The following PCDH11X variants were observed in gnomAD, a reference collection of about 807,000 sequenced individuals.
PCDH11X encodes protocadherin 11 X-linked.
In PCDH11X, 18 loss-of-function variants were observed where a neutral mutation model predicts 53.3. The ratio of observed to expected loss-of-function variants is 0.34; its 90% CI spans 0.23 to 0.50. PCDH11X has a LOEUF of 0.50. Among genes scored for constraint, PCDH11X ranks in the 20% least tolerant of loss-of-function variants. The probability of loss-of-function intolerance (pLI) is 0.98; values close to 1 mark genes in which losing one functional copy is unlikely to be tolerated. For synonymous variants in PCDH11X, 279 were observed against 393.3 expected (o/e 0.71, Z 3.44); for missense variants, 570 against 1,032.4 (o/e 0.55, Z 6.14).
chrX:92,483,251 A>G (rs1465619474), intron 10 of PCDH11X, among the ~76,000 whole-genome samples: 1 of 109,923 alleles, frequency 9.1e-6, no homozygotes, highest in Non-Finnish European at 1.9e-5. Context: ...ACACAGAGAC[A>G]TTGGTTACAA....
At chrX:92,156,248 C>A (rs1296306143) in intron 6 of PCDH11X, among the ~76,000 whole-genome samples, 2 of 109,990 alleles carry the variant, frequency 1.8e-5, no homozygotes, top group African/African-American at 3.3e-5. Flanking sequence ...ATCCGCCCCC[C>A]CATTCCTTGT....
chrX:92,179,828 A>G (rs1386669353), intron 6 of PCDH11X, among the ~76,000 whole-genome samples: 4 of 111,603 alleles, frequency 3.6e-5, no homozygotes, highest in Non-Finnish European at 7.5e-5. Flanking sequence ...CTACCACTCT[A>G]CTGAAGCAGC....
At chrX:92,279,537 C>T (rs1479427710) in intron 8 of PCDH11X, among the ~76,000 whole-genome samples, 1 of 112,315 alleles carries the variant, frequency 8.9e-6, no homozygotes, top group African/African-American at 3.2e-5. Flanking sequence ...GAATTGTTTG[C>T]TGCATAACTC....
At chrX:91,833,603 G>A (rs4023977) in intron 4 of PCDH11X, among the ~76,000 whole-genome samples, 1,282 of 111,418 alleles carry the variant, frequency 0.012, 20 homozygotes, top group African/African-American at 0.037. Flanking sequence ...TGAATTCATA[G>A]TATATATTTT....
rs35828888 is a variant in PCDH11X at position 92,127,518 on chromosome X, C to CTTT, written c.3034-73839_3034-73837dup. 7.4e-4 allele frequency among the ~76,000 whole-genome samples: 65 copies of CTTT among 88,397 alleles called. 3 individuals are homozygous for CTTT. Among genetic ancestry groups the CTTT allele is most frequent in the Admixed American group, 1.7e-3 (12 of 7,229 alleles). 76.8% of individuals were successfully genotyped at this position (88,397 alleles called of 115,157 possible). ...AGCCACATAGTTATCTTTCCCCCCA[C>CTTT]TTTTTTTTTTTTTTTTTTTTGAGAC... On this transcript the variant is annotated intron_variant, in intron 6 of 10. Coordinates refer to ENST00000682573, the MANE Select transcript of PCDH11X (RefSeq NM_032968.5).
chrX:91,917,707 G>A lies in PCDH11X; in HGVS notation c.3033+38434G>A, dbSNP rs752625364. 5.5e-3 allele frequency among the ~76,000 whole-genome samples: 562 copies of A among 102,806 alleles called. 4 individuals are homozygous for A. Among genetic ancestry groups the A allele is most frequent in the African/African-American group, 0.018 (520 of 28,472 alleles). The allele number at this position is 102,806 out of a possible 115,157, so 89.3% of individuals were successfully genotyped here. The stretch of plus-strand genomic sequence containing the variant: ...ACAAATAGAAACACATCCCATGCTC[G>A]TGGATGGGTAGAATCAATATTGTGA... On this transcript the variant is annotated intron_variant, in intron 6 of 10. Transcript: ENST00000682573.
At chrX:92,298,613 G>T in intron 8 of PCDH11X, among the ~76,000 whole-genome samples, 1 of 110,909 alleles carries the variant, frequency 9.0e-6, no homozygotes, top group East Asian at 2.9e-4. Context: ...TTCTTTTTTT[G>T]TTGTGTCTCT....
At chrX:91,855,974 T>A (rs1417196221) in intron 5 of PCDH11X, among the ~76,000 whole-genome samples, 2 of 107,152 alleles carry the variant, frequency 1.9e-5, no homozygotes, top group Non-Finnish European at 3.8e-5. Context: ...TCCTTTCCAA[T>A]TTGGATAACC....
intron 8 of PCDH11X, among the ~76,000 whole-genome samples, chrX:92,320,555 TA>T (rs2069177352): frequency 9.0e-6 from 1 of 111,434 alleles, no homozygotes. Context: ...AATACAGTTC[TA>T]AAAAGTTATT....
At chrX:91,819,598 G>T (rs1445574012) in intron 4 of PCDH11X, among the ~76,000 whole-genome samples, 9 of 107,886 alleles carry the variant, frequency 8.3e-5, no homozygotes, top group Non-Finnish European at 1.7e-4. Flanking sequence ...TAAAACAAAA[G>T]AATTGGTGAC....
At chrX:92,317,043 A>C (rs1264362900) in intron 8 of PCDH11X, among the ~76,000 whole-genome samples, 12 of 111,739 alleles carry the variant, frequency 1.1e-4, no homozygotes, top group Non-Finnish European at 2.1e-4. Context: ...GGGGAAAAAA[A>C]CAGAAAGTAA....
At chrX:92,189,202 G>C (rs2066149788) in intron 6 of PCDH11X, among the ~76,000 whole-genome samples, 2 of 110,747 alleles carry the variant, frequency 1.8e-5, no homozygotes, top group Non-Finnish European at 3.8e-5. Context: ...TCTTCCTGAT[G>C]CTCTCCCTCC....
In PCDH11X at chrX:92,418,780, C is replaced by T. The variant is rs1374401278; in HGVS notation, c.3343+30847C>T. Among the ~76,000 whole-genome samples, 5 of 105,789 alleles carry T rather than the reference C, an allele frequency of 4.7e-5. No individual in the cohort carries two copies. The Admixed American group carries it at 5.2e-4, about 11-fold the overall frequency. The allele number at this position is 105,789 out of a possible 115,157, so 91.9% of individuals were successfully genotyped here. A position where few individuals can be genotyped will look rare whatever the true frequency, so the allele number is the denominator to read the frequency against. Reference sequence around the variant, plus strand: ...TTAATGACTTATTTTTCTTCTTCTTCTTTTTGCTTGCTTTGATTGTATTTG... The same window carrying T: ...TTAATGACTTATTTTTCTTCTTCTTTTTTTTGCTTGCTTTGATTGTATTTG... On this transcript the variant is annotated intron_variant, in intron 9 of 10. Transcript: ENST00000682573.
Position 92,340,994 on chromosome X carries a change from A to T in PCDH11X, c.3145-46741A>T, listed in dbSNP as rs1448590419. ...CCACATCTGAACATGTGCTGTTAGGAGCAGGCACAGCACTTCTTGGACACT... is the reference window on the plus strand; with the variant it reads ...CCACATCTGAACATGTGCTGTTAGGTGCAGGCACAGCACTTCTTGGACACT... On this transcript the variant is annotated intron_variant, in intron 8 of 10. Transcript: ENST00000682573. 7.9e-4 allele frequency among the ~76,000 whole-genome samples: 88 copies of T among 111,646 alleles called. 2 individuals are homozygous for T. Among genetic ancestry groups the T allele is most frequent in the Admixed American group, 6.2e-3 (65 of 10,477 alleles).
intron 6 of PCDH11X, among the ~76,000 whole-genome samples, chrX:92,051,219 T>C (rs1165062672): frequency 8.9e-6 from 1 of 111,965 alleles, no homozygotes; most frequent in African/African-American, 3.2e-5. Context: ...AGTCAGCATA[T>C]GATAAATCTT....
chrX:91,912,844 T>C (rs113374102), intron 6 of PCDH11X, among the ~76,000 whole-genome samples: 1,383 of 111,584 alleles, frequency 0.012, 18 homozygotes, highest in African/African-American at 0.042. Flanking sequence ...CTGCTGCAAA[T>C]TCCACAAAAC....
chrX:92,086,207 A>G (rs1158117727), intron 6 of PCDH11X, among the ~76,000 whole-genome samples: 1 of 111,388 alleles, frequency 9.0e-6, no homozygotes, highest in Non-Finnish European at 1.9e-5. Flanking sequence ...TAATACCAAT[A>G]CATTTGACTT....
intron 8 of PCDH11X, among the ~76,000 whole-genome samples, chrX:92,355,607 C>T (rs1298618997): frequency 1.9e-5 from 2 of 103,947 alleles, no homozygotes; most frequent in Non-Finnish European, 3.9e-5. Context: ...ATTGTTTCTT[C>T]ATTTATTCAC....
intron 7 of PCDH11X, among the ~76,000 whole-genome samples, chrX:92,201,905 G>T (rs1467244004): frequency 9.0e-6 from 1 of 111,590 alleles, no homozygotes; most frequent in African/African-American, 3.3e-5. Flanking sequence ...AAATATGGTA[G>T]GTCTGCAGCA....
Sources: gnomAD v4.1 joint callset for allele counts (sites outside exome capture counted in the v4.1 genomes callset) on GRCh38, gnomAD v4.1.1 for gene constraint, MANE v1.5 for transcripts, NCBI Gene and HGNC (gene_info 2026-07-23, HGNC 2026-07-21) for gene names.